Variants in ADK observed in about 807,000 individuals in gnomAD.
ADK encodes N6,N6-dimethyladenosine kinase.
In ADK, 24 loss-of-function variants were observed where a neutral mutation model predicts 44.7. That is an observed-to-expected ratio of 0.54 (90% CI 0.39 to 0.76). The LOEUF (loss-of-function observed/expected upper bound fraction) is 0.76. Among genes scored for constraint, ADK ranks in the 30% least tolerant of loss-of-function variants. The probability of loss-of-function intolerance (pLI) is 0.00; values close to 1 mark genes in which losing one functional copy is unlikely to be tolerated. For missense variants in ADK, 321 were observed against 425.1 expected, an observed-to-expected ratio of 0.76 and a Z score of 2.15; for synonymous variants, 128 against 142.6, an observed-to-expected ratio of 0.90 and a Z score of 0.73.
At chr10:74,189,552 A>G (rs1272277650) in intron 1 of ADK, among the ~76,000 whole-genome samples, 2 of 152,212 alleles carry the variant, frequency 1.3e-5, no homozygotes, top group East Asian at 3.8e-4. Flanking sequence ...ATAATTTATC[A>G]ATTAGGTCAG....
intron 8 of ADK, among the ~76,000 whole-genome samples, 191 bp downstream of exon 8, chr10:74,589,508 T>G (rs1851645182): frequency 6.6e-6 from 1 of 152,158 alleles, no homozygotes; most frequent in South Asian, 2.1e-4. Context: ...CTGCTAGGTC[T>G]GCACCCAACA....
intron 2 of ADK, among the ~76,000 whole-genome samples, chr10:74,217,328 C>T (rs913162290): frequency 3.9e-5 from 6 of 152,362 alleles, no homozygotes; most frequent in African/African-American, 1.4e-4. Context: ...GGGGCGCCCG[C>T]CATTGCCCAG....
At chr10:74,210,746 C>G (rs1389631206) in intron 2 of ADK, among the ~76,000 whole-genome samples, 1 of 152,022 alleles carries the variant, frequency 6.6e-6, no homozygotes, top group South Asian at 2.1e-4. Context: ...AAATTTATTT[C>G]TTCTACAAAT....
chr10:74,650,257 T>C (rs1317090626), intron 9 of ADK, among the ~76,000 whole-genome samples: 2 of 152,104 alleles, frequency 1.3e-5, no homozygotes, highest in East Asian at 3.9e-4. Flanking sequence ...CTGTCTCTAC[T>C]AAAAATACAA....
intron 4 of ADK, among the ~76,000 whole-genome samples, chr10:74,346,800 C>G (rs1283724908): frequency 7.9e-5 from 12 of 151,986 alleles, no homozygotes; most frequent in Non-Finnish European, 1.8e-4. Flanking sequence ...TTAAAGACAA[C>G]TGGTGAAGAG....
chr10:74,597,968 A>T (rs1187096967), intron 8 of ADK, among the ~76,000 whole-genome samples: 1 of 152,192 alleles, frequency 6.6e-6, no homozygotes, highest in Non-Finnish European at 1.5e-5. Context: ...TTAGGGGGAC[A>T]TACTTTGAGA....
intron 6 of ADK, among the ~76,000 whole-genome samples, chr10:74,493,698 A>G (rs1363860071): frequency 2.0e-5 from 3 of 151,978 alleles, no homozygotes; most frequent in Admixed American, 2.0e-4. Flanking sequence ...AAAATATTAG[A>G]TATTATAATT....
intron 8 of ADK, among the ~76,000 whole-genome samples, chr10:74,591,804 G>A (rs942395120): frequency 6.6e-6 from 1 of 152,076 alleles, no homozygotes; most frequent in African/African-American, 2.4e-5. Context: ...GAAAGGAAAG[G>A]TGAGTATTTT....
At chr10:74,684,119 G>T (rs950724244) in intron 10 of ADK, among the ~76,000 whole-genome samples, 1 of 152,200 alleles carries the variant, frequency 6.6e-6, no homozygotes, top group Middle Eastern at 3.2e-3. Flanking sequence ...GAAACACTAA[G>T]TAAAGCCATC....
intron 2 of ADK, among the ~76,000 whole-genome samples, chr10:74,203,330 C>T (rs1416578562): frequency 6.6e-6 from 1 of 151,406 alleles, no homozygotes; most frequent in Non-Finnish European, 1.5e-5. Flanking sequence ...GCCAGTATGA[C>T]ATTGGTGTTT....
chr10:74,419,857 C>T (rs995892090), intron 6 of ADK, among the ~76,000 whole-genome samples: 1 of 152,056 alleles, frequency 6.6e-6, no homozygotes, highest in Non-Finnish European at 1.5e-5. Flanking sequence ...GTTGTAATTG[C>T]ATTTTAGAAA....
At chr10:74,320,028 A>G (rs532987446) in intron 4 of ADK, among the ~76,000 whole-genome samples, 1 of 152,304 alleles carries the variant, frequency 6.6e-6, no homozygotes, top group Non-Finnish European at 1.5e-5. Context: ...AGTGGCATTT[A>G]TATTTACTAT....
chr10:74,367,296 A>T (rs747565876), intron 4 of ADK, among the ~76,000 whole-genome samples: 1 of 152,142 alleles, frequency 6.6e-6, no homozygotes, highest in African/African-American at 2.4e-5. Context: ...GCTTTAAAAA[A>T]CTTCTTTGCC....
chr10:74,303,390 A>G (rs1384725784), intron 3 of ADK, among the ~76,000 whole-genome samples: 1 of 152,094 alleles, frequency 6.6e-6, no homozygotes, highest in Non-Finnish European at 1.5e-5. Flanking sequence ...TTAAAAACAC[A>G]CTTTCAGTTT....
chr10:74,151,907 G>A (rs1841605364), intron 1 of ADK, among the ~76,000 whole-genome samples: 2 of 152,216 alleles, frequency 1.3e-5, no homozygotes, highest in Non-Finnish European at 2.9e-5. Flanking sequence ...GATAGGAAAG[G>A]TTGATTTCTC....
chr10:74,450,378 G>A (rs2126767), intron 6 of ADK, among the ~76,000 whole-genome samples: 92,198 of 151,958 alleles, frequency 0.61, 30,342 homozygotes, highest in Middle Eastern at 0.78. Flanking sequence ...TTTCTATTTC[G>A]TCTCTCTCTG....
intron 6 of ADK, among the ~76,000 whole-genome samples, chr10:74,524,029 G>T (rs967825694): frequency 6.6e-6 from 1 of 152,056 alleles, no homozygotes; most frequent in Admixed American, 6.5e-5. Flanking sequence ...AAGGCCCTTT[G>T]TATTCTTAAC....
intron 6 of ADK, among the ~76,000 whole-genome samples, chr10:74,493,366 T>G (rs187186900): frequency 4.0e-5 from 6 of 151,084 alleles, no homozygotes; most frequent in Admixed American, 6.6e-5. Context: ...TGTGTGTGTG[T>G]ATATACATAT....
intron 6 of ADK, among the ~76,000 whole-genome samples, chr10:74,486,690 T>G (rs1847279301): frequency 6.6e-6 from 1 of 152,182 alleles, no homozygotes; most frequent in Non-Finnish European, 1.5e-5. Context: ...AGTTTTGTCC[T>G]ATACTACTAG....
Sources: allele counts gnomAD v4.1 joint callset (sites outside exome capture counted in the v4.1 genomes callset), GRCh38; gene constraint gnomAD v4.1.1; transcripts MANE v1.5; gene names NCBI Gene and HGNC (gene_info 2026-07-23, HGNC 2026-07-21).